The following UNC80 variants were observed in gnomAD, a reference collection of about 807,000 sequenced individuals.
UNC80 encodes unc-80 subunit of NALCN channel complex, also known as protein unc-80 homolog.
In UNC80, 164 loss-of-function variants were observed where a neutral mutation model predicts 384.6. The observed-to-expected ratio is 0.43, with a 90% CI of 0.38 to 0.49. The LOEUF (loss-of-function observed/expected upper bound fraction) is 0.49. Ranked by LOEUF, UNC80 falls within the 20% of genes least tolerant of loss-of-function variation. The pLI, the probability that UNC80 is intolerant of heterozygous loss-of-function variation, is 0.00. For missense variants in UNC80, 3,330 were observed against 4,143.0 expected (o/e 0.80, Z 5.39); for synonymous variants, 1,486 against 1,527.8 (o/e 0.97, Z 0.64).
chr2:209,846,387 G>T (rs899193727), intron 21 of UNC80, among the ~76,000 whole-genome samples: 1 of 151,900 alleles, frequency 6.6e-6, no homozygotes, highest in African/African-American at 2.4e-5. Context: ...TTGAGGGAAG[G>T]TGTTTGATCA....
At chr2:209,794,501 A>G (rs2078031105) in intron 7 of UNC80, among the ~76,000 whole-genome samples, 1 of 152,234 alleles carries the variant, frequency 6.6e-6, no homozygotes, top group African/African-American at 2.4e-5. Flanking sequence ...TTTAAAAGGG[A>G]ACATTTTTAA....
At chr2:209,907,676 A>G (rs1477859077) in intron 29 of UNC80, among the ~76,000 whole-genome samples, 1 of 152,230 alleles carries the variant, frequency 6.6e-6, no homozygotes, top group Non-Finnish European at 1.5e-5. Context: ...GAAGGCTTTC[A>G]TTTTATCCTG....
chr2:209,990,917 C>T (rs750343634), intron 61 of UNC80, among the ~76,000 whole-genome samples: 10 of 152,102 alleles, frequency 6.6e-5, no homozygotes, highest in Non-Finnish European at 7.4e-5. Context: ...GTGATAAACC[C>T]TATTTGGGAA....
At chr2:209,831,387 A>G (rs569044464) in intron 15 of UNC80, 56 bp from the exon 16 acceptor site, 1,106 of 1,505,850 alleles carry the variant, frequency 7.3e-4, no homozygotes, top group Non-Finnish European at 9.1e-4. Flanking sequence ...CCTTACTCCT[A>G]CCCATTGTGT....
At chr2:209,881,238 C>A in intron 25 of UNC80, 144 bp downstream of exon 25, 1 of 948,846 alleles carries the variant, frequency 1.1e-6, no homozygotes, top group Non-Finnish European at 1.5e-6. Context: ...GATTTTGAAA[C>A]ATAAAAAGAA....
At chr2:209,925,022 A>G (rs1474137650) in intron 35 of UNC80, among the ~76,000 whole-genome samples, 2 of 152,012 alleles carry the variant, frequency 1.3e-5, no homozygotes, top group Non-Finnish European at 2.9e-5. Context: ...CAAGGCTCCT[A>G]AGGACCTAGG....
Position 209,993,334 on chromosome 2 carries a change from C to T in UNC80, c.9416C>T (p.Ser3139Leu). 6.4e-7 allele frequency: 1 copy of T among 1,551,926 alleles called. No homozygotes were observed. Among genetic ancestry groups the T allele is most frequent in the East Asian group, 2.4e-5 (1 of 40,924 alleles). The change falls in exon 63 of 65, where the codon TCA (serine) becomes TTA (leucine). Residue 3139 changes from serine (S) to leucine (L), a missense_variant. Physicochemically the swap from Ser to Leu is moderately radical, Grantham distance 145 (BLOSUM62 -2). This residue lies in a region of UNC80 where 236 missense variants were observed against 254.9 expected (regional missense o/e 0.93). Transcript: ENST00000673920. Reference sequence around the variant, plus strand: ...CTTTAGCTAAGACGTCCTCTACTATCACGTCAGAAAACTCAGACTGAACCC... The same window carrying T: ...CTTTAGCTAAGACGTCCTCTACTATTACGTCAGAAAACTCAGACTGAACCC... ...GLRQLRRPLLSRQKTQTEPRN... is the reference protein window; with the variant it reads ...GLRQLRRPLLLRQKTQTEPRN...
chr2:209,913,749 G>A (rs1455059941), intron 30 of UNC80, 53 bp from the exon 31 acceptor site: 4 of 1,493,150 alleles, frequency 2.7e-6, no homozygotes, highest in Non-Finnish European at 3.6e-6. Flanking sequence ...CAAGAGAAGT[G>A]CAGTATTCAC....
At chr2:209,896,626 T>A (rs974752593) in intron 28 of UNC80, among the ~76,000 whole-genome samples, 2 of 152,186 alleles carry the variant, frequency 1.3e-5, no homozygotes, top group Non-Finnish European at 2.9e-5. Flanking sequence ...AAGACCAAGT[T>A]TTTTTGGTTA....
intron 35 of UNC80, among the ~76,000 whole-genome samples, chr2:209,924,670 A>T (rs1315951651): frequency 6.6e-6 from 1 of 152,028 alleles, no homozygotes; most frequent in Non-Finnish European, 1.5e-5. Context: ...GCCCCCTAGA[A>T]ATCTCATTCT....
At chr2:209,921,202 C>G (rs187680826) in intron 33 of UNC80, among the ~76,000 whole-genome samples, 3 of 152,156 alleles carry the variant, frequency 2.0e-5, no homozygotes, top group Non-Finnish European at 2.9e-5. Context: ...TTTATTTGAT[C>G]ATAATATTTA....
chr2:209,947,407 A>G (rs1223985612), intron 47 of UNC80, among the ~76,000 whole-genome samples: 4 of 152,214 alleles, frequency 2.6e-5, no homozygotes, highest in African/African-American at 4.8e-5. Flanking sequence ...AATTTTACCA[A>G]ATTTCCATTG....
intron 22 of UNC80, among the ~76,000 whole-genome samples, chr2:209,860,857 G>A (rs374155581): frequency 2.9e-4 from 44 of 151,946 alleles, no homozygotes; most frequent in African/African-American, 9.9e-4. Context: ...CTTGTCTATC[G>A]CTGCTGTAAA....
intron 35 of UNC80, among the ~76,000 whole-genome samples, chr2:209,922,918 G>C (rs545677600): frequency 4.6e-5 from 7 of 152,170 alleles, no homozygotes; most frequent in African/African-American, 1.7e-4. Flanking sequence ...CTTTTCATAT[G>C]CTTATTGACC....
At chr2:209,888,033 C>G in intron 25 of UNC80, 62 bp from the exon 26 acceptor site, 1 of 1,502,702 alleles carries the variant, frequency 6.7e-7, no homozygotes, top group Non-Finnish European at 9.0e-7. Flanking sequence ...GGAGGCTTGC[C>G]GCGAGACCAA....
chr2:209,979,135 G>GCTACT (rs1277635465), intron 59 of UNC80, among the ~76,000 whole-genome samples: 72 of 152,104 alleles, frequency 4.7e-4, no homozygotes, highest in Admixed American at 5.2e-4. Flanking sequence ...TCCAGTCCCA[G>GCTACT]CTACTCTGGA....
intron 53 of UNC80, 95 bp from the exon 54 acceptor site, chr2:209,970,737 A>G: frequency 2.8e-6 from 4 of 1,408,762 alleles, no homozygotes; most frequent in Non-Finnish European, 3.8e-6. Flanking sequence ...CCTTCAATTT[A>G]TCATTTTTAT....
chr2:209,842,341 T>G lies in UNC80; in HGVS notation c.3358-9T>G, dbSNP rs2081828287. 3 of 1,541,272 alleles carry G rather than the reference T, an allele frequency of 1.9e-6. No individual in the cohort carries two copies. The highest frequency in any genetic ancestry group is 2.6e-6 in the Non-Finnish European group (3 of 1,142,352). ...ATCTCTCTACTTTCCTTTTTTTTTC[T>G]TTTTTCAGGTCAAATTCACTAGTGC... is the stretch of plus-strand genomic sequence containing the variant. On this transcript the variant is annotated splice_polypyrimidine_tract_variant and intron_variant, in intron 20 of 64. Transcript: ENST00000673920.
intron 22 of UNC80, among the ~76,000 whole-genome samples, chr2:209,852,835 A>C (rs150369303): frequency 0.013 from 2,054 of 152,274 alleles, 51 homozygotes; most frequent in African/African-American, 0.045. Flanking sequence ...GTGATTCACC[A>C]ACTTCCAATC....
Sources: allele counts gnomAD v4.1 joint callset (sites outside exome capture counted in the v4.1 genomes callset), GRCh38; gene constraint gnomAD v4.1.1; regional missense constraint gnomAD v4.1.1; transcripts MANE v1.5; gene names NCBI Gene and HGNC (gene_info 2026-07-23, HGNC 2026-07-21).